The following ARIH1 variants were observed in gnomAD, a reference collection of about 807,000 sequenced individuals.
ARIH1 encodes ariadne RBR E3 ubiquitin protein ligase 1.
A neutral mutation model predicts 85.0 loss-of-function variants in ARIH1; 8 were observed. That is an observed-to-expected ratio of 0.09 (90% confidence interval 0.06 to 0.17). The LOEUF is 0.17. Ranked by LOEUF, ARIH1 falls within the 10% of genes least tolerant of loss-of-function variation. ARIH1 has a pLI of 1.00. For missense variants in ARIH1, 311 were observed against 718.1 expected (o/e 0.43, Z 6.48); for synonymous variants, 238 against 253.6 (o/e 0.94, Z 0.59).
chr15:72,529,179 A>T (rs2064044266), intron 2 of ARIH1, among the ~76,000 whole-genome samples: 1 of 152,156 alleles, frequency 6.6e-6, no homozygotes, highest in Non-Finnish European at 1.5e-5. Context: ...AGCCTGGGCG[A>T]CAGAGCGAGA....
intron 1 of ARIH1, among the ~76,000 whole-genome samples, chr15:72,482,679 A>G (rs2063820925): frequency 6.6e-6 from 1 of 152,032 alleles, no homozygotes; most frequent in Admixed American, 6.6e-5. Context: ...CTTTTGCCTT[A>G]TGTTACCCCA....
At chr15:72,564,292 A>G (rs1278323494) in intron 7 of ARIH1, among the ~76,000 whole-genome samples, 2 of 152,208 alleles carry the variant, frequency 1.3e-5, no homozygotes, top group African/African-American at 4.8e-5. Flanking sequence ...CTTCTTTGCC[A>G]CTTTATAGCA....
intron 3 of ARIH1, among the ~76,000 whole-genome samples, chr15:72,548,317 A>G (rs989583582): frequency 3.9e-5 from 6 of 152,328 alleles, no homozygotes; most frequent in Non-Finnish European, 4.4e-5. Flanking sequence ...GAGAGAATGT[A>G]CTTTCAAGAA....
rs76927189 is a variant in ARIH1 at position 72,511,594 on chromosome 15, C to T, written c.376-6473C>T. Among the ~76,000 whole-genome samples, 19 of 152,260 alleles carry T rather than the reference C, an allele frequency of 1.2e-4. No individual in the cohort carries two copies. The East Asian group carries it at 2.7e-3, about 22-fold the overall frequency. Reference sequence around the variant, plus strand: ...TGCTAGGATTACAGGCATGAACCACCGTGCCTGGCCCAGCTGATCTTTTTA... The same window carrying T: ...TGCTAGGATTACAGGCATGAACCACTGTGCCTGGCCCAGCTGATCTTTTTA... On this transcript the variant is annotated intron_variant, in intron 1 of 13. Transcript: ENST00000379887.
At chr15:72,547,129 A>G (rs1218573741) in intron 3 of ARIH1, among the ~76,000 whole-genome samples, 1 of 150,876 alleles carries the variant, frequency 6.6e-6, no homozygotes, top group East Asian at 2.0e-4. Flanking sequence ...GGGTTTCACC[A>G]TGTTAGCCAG....
At chr15:72,514,504 G>A (rs551116918) in intron 1 of ARIH1, among the ~76,000 whole-genome samples, 51 of 152,006 alleles carry the variant, frequency 3.4e-4, no homozygotes, top group African/African-American at 1.2e-3. Context: ...CTGGGAGTTC[G>A]AGACCAGCTT....
chr15:72,538,992 C>G (rs2064095104), intron 2 of ARIH1, among the ~76,000 whole-genome samples: 1 of 152,154 alleles, frequency 6.6e-6, no homozygotes, highest in Non-Finnish European at 1.5e-5. Context: ...CATACTGCTG[C>G]TTGTTTTTTT....
rs375320810 is a variant in ARIH1 at position 72,597,424 on chromosome 15, G to A, written c.*14132G>A. On this transcript the variant is annotated 3_prime_UTR_variant, in exon 14 of 14. Coordinates refer to ENST00000379887, the MANE Select transcript of ARIH1 (RefSeq NM_005744.5). ...TCTTTCCCTACTTTACAACCTTGCT[G>A]CCAGGATTTTTTTTTTTAATCAATG... The A allele has an allele frequency of 6.6e-6, 1 of 151,714 alleles. No individual in the cohort carries two copies. The highest frequency in any genetic ancestry group is 1.9e-4 in the East Asian group (1 of 5,180). 9.4% of individuals were successfully genotyped at this position (151,714 alleles called of 1,614,324 possible). A position where few individuals can be genotyped will look rare whatever the true frequency, so the allele number is the denominator to read the frequency against.
At position 72,539,872 on chromosome 15, in the gene ARIH1, C is replaced by T. The variant is rs369617498; in HGVS notation, c.444-4948C>T. On this transcript the variant is annotated intron_variant, in intron 2 of 13. Transcript: ENST00000379887. ...TTTGGCCAAAGTGAGCAGTTGAACA[C>T]ATTTAAACATTAGAATTATGTCTAA... Among the ~76,000 whole-genome samples, 10 of 152,128 alleles carry T rather than the reference C, an allele frequency of 6.6e-5. No homozygotes were observed. In the East Asian group the frequency reaches 9.6e-4, roughly 15 times the overall value.
At chr15:72,533,941 A>G (rs1423080673) in intron 2 of ARIH1, among the ~76,000 whole-genome samples, 1 of 152,138 alleles carries the variant, frequency 6.6e-6, no homozygotes, top group South Asian at 2.1e-4. Flanking sequence ...GCATGTTCCT[A>G]GCAGTATTTA....
At position 72,591,280 on chromosome 15, in the gene ARIH1, G is replaced by A. The variant is rs1156885595; in HGVS notation, c.*7988G>A. ...AGAAATACAAAACCAACTCTTTATA[G>A]TAGACAGTTTATCCCCCAGAAAGCT... On this transcript the variant is annotated 3_prime_UTR_variant, in exon 14 of 14. Coordinates refer to ENST00000379887, the MANE Select transcript of ARIH1 (RefSeq NM_005744.5). 1 of 147,544 alleles carries A rather than the reference G, an allele frequency of 6.8e-6. No individual in the cohort carries two copies. Among genetic ancestry groups the A allele is most frequent in the East Asian group, 2.0e-4 (1 of 4,930 alleles). 9.1% of individuals were successfully genotyped at this position (147,544 alleles called of 1,614,324 possible). A position where few individuals can be genotyped will look rare whatever the true frequency, so the allele number is the denominator to read the frequency against.
intron 1 of ARIH1, among the ~76,000 whole-genome samples, chr15:72,511,832 C>T (rs2063951847): frequency 6.6e-6 from 1 of 152,056 alleles, no homozygotes; most frequent in African/African-American, 2.4e-5. Flanking sequence ...CCTAGAAGTG[C>T]CTCTTCTAGG....
chr15:72,589,078 T>C lies in ARIH1; in HGVS notation c.*5786T>C. On this transcript the variant is annotated 3_prime_UTR_variant, in exon 14 of 14. Coordinates refer to ENST00000379887, the MANE Select transcript of ARIH1 (RefSeq NM_005744.5). ...AGATTTCCCTTTTGTAAAATGGGAA[T>C]ACTAATAGGAACTGTAATTTGTTGA... The C allele has an allele frequency of 6.6e-6, 1 of 152,208 alleles. No homozygotes were observed. Among genetic ancestry groups the C allele is most frequent in the Admixed American group, 6.5e-5 (1 of 15,286 alleles). 9.4% of individuals were successfully genotyped at this position (152,208 alleles called of 1,614,324 possible). A position where few individuals can be genotyped will look rare whatever the true frequency, so the allele number is the denominator to read the frequency against.
At chr15:72,498,628 G>A (rs778154943) in intron 1 of ARIH1, among the ~76,000 whole-genome samples, 1 of 152,150 alleles carries the variant, frequency 6.6e-6, no homozygotes, top group African/African-American at 2.4e-5. Context: ...TGGATCACCC[G>A]AGGTCAGGAA....
rs527315204 is a variant in ARIH1 at position 72,539,441 on chromosome 15, C to G, written c.444-5379C>G. 2.0e-3 allele frequency among the ~76,000 whole-genome samples: 297 copies of G among 151,460 alleles called. 1 individual carries two copies. The highest frequency in any genetic ancestry group is 3.4e-3 in the Middle Eastern group (1 of 292). ...AAAACAACAGAAGGTGAAAAGGGAA[C>G]TGACAGAACAGAAAAAAAAAAGAAA... On this transcript the variant is annotated intron_variant, in intron 2 of 13. Coordinates refer to ENST00000379887, the MANE Select transcript of ARIH1 (RefSeq NM_005744.5).
rs552592164 is a variant in ARIH1 at position 72,565,160 on chromosome 15, C to G, written c.912-1403C>G. ...CACTGTAACCTTTGCTTCTCAGGTT[C>G]AAGTGATTCTTGTGCCTCTTGAGTA... On this transcript the variant is annotated intron_variant, in intron 7 of 13. Coordinates refer to ENST00000379887, the MANE Select transcript of ARIH1 (RefSeq NM_005744.5). Among the ~76,000 whole-genome samples the G allele has an allele frequency of 5.1e-4, 77 of 152,264 alleles. No homozygotes were observed. The South Asian group carries it at 8.5e-3, about 17-fold the overall frequency.
At chr15:72,539,007 T>C (rs1443707655) in intron 2 of ARIH1, among the ~76,000 whole-genome samples, 1 of 152,202 alleles carries the variant, frequency 6.6e-6, no homozygotes, top group Non-Finnish European at 1.5e-5. Context: ...TTTTTTACTT[T>C]GATCAATATG....
chr15:72,570,326 G>T lies in ARIH1; in HGVS notation c.1157+19G>T. The T allele has an allele frequency of 6.2e-7, 1 of 1,613,298 alleles. No individual in the cohort carries two copies. Among genetic ancestry groups the T allele is most frequent in the South Asian group, 1.1e-5 (1 of 90,940 alleles). Reference sequence around the variant, plus strand: ...CTGCCTGGTAGGTTGGGGAAATTAAGGGAAGAATGTGTTTACATAAGTATG... The same window carrying T: ...CTGCCTGGTAGGTTGGGGAAATTAATGGAAGAATGTGTTTACATAAGTATG... On this transcript the variant is annotated intron_variant, in intron 10 of 13. Coordinates refer to ENST00000379887, the MANE Select transcript of ARIH1 (RefSeq NM_005744.5).
intron 1 of ARIH1, among the ~76,000 whole-genome samples, chr15:72,484,172 A>G (rs898122267): frequency 2.5e-4 from 3 of 11,942 alleles, no homozygotes; most frequent in African/African-American, 3.8e-4. Context: ...AAACTCCATC[A>G]AAAAAAAAAA....
Sources: allele counts gnomAD v4.1 joint callset (sites outside exome capture counted in the v4.1 genomes callset), GRCh38; gene constraint gnomAD v4.1.1; transcripts MANE v1.5; gene names NCBI Gene and HGNC (gene_info 2026-07-23, HGNC 2026-07-21).